The following KLHDC4 variants were observed in gnomAD, a reference collection of about 807,000 sequenced individuals.
The protein encoded by KLHDC4 is kelch domain containing 4, also known as kelch domain-containing protein 4.
Under a neutral mutation model 62.4 loss-of-function variants are expected in KLHDC4, and 90 were observed. The observed-to-expected ratio is 1.44, with a 90% CI of 1.22 to 1.72. The LOEUF is 1.72. Among genes scored for constraint, KLHDC4 ranks in the 40% most tolerant of loss-of-function variants. The probability of loss-of-function intolerance (pLI) is 0.00; values close to 1 mark genes in which losing one functional copy is unlikely to be tolerated. For missense variants in KLHDC4, 1,025 were observed against 699.7 expected (o/e 1.47, Z -5.25); for synonymous variants, 386 against 284.4 (o/e 1.36, Z -3.59).
chr16:87,737,128 A>AC (rs2041459909), intron 5 of KLHDC4, among the ~76,000 whole-genome samples: 1 of 150,830 alleles, frequency 6.6e-6, no homozygotes, highest in Non-Finnish European at 1.5e-5. Context: ...AAAAAAAAAA[A>AC]AGATAAGAAA....
chr16:87,741,629 T>TGC (rs10630389), intron 5 of KLHDC4, among the ~76,000 whole-genome samples: 34,768 of 152,060 alleles, frequency 0.23, 4,124 homozygotes, highest in South Asian at 0.33. Context: ...TGGGGACCAT[T>TGC]GCTATACATT....
At chr16:87,746,562 C>G (rs1015937616) in intron 5 of KLHDC4, among the ~76,000 whole-genome samples, 2 of 152,162 alleles carry the variant, frequency 1.3e-5, no homozygotes, top group Non-Finnish European at 2.9e-5. Flanking sequence ...GCAAACGTCT[C>G]AAAGCAATGC....
chr16:87,732,418 T>A (rs1229177876), intron 5 of KLHDC4, among the ~76,000 whole-genome samples: 2 of 152,204 alleles, frequency 1.3e-5, no homozygotes, highest in African/African-American at 4.8e-5. Flanking sequence ...TTCTTAACAC[T>A]CATCTAAGTG....
chr16:87,747,461 T>C (rs1318682956), intron 5 of KLHDC4: 1 of 152,188 alleles, frequency 6.6e-6, no homozygotes, highest in Non-Finnish European at 1.5e-5. Context: ...ATTTTTAGCA[T>C]GAAAGTAATT....
rs545879844 is a variant in KLHDC4 at position 87,711,230 on chromosome 16, A to G, written c.1044+5T>C. The G allele has an allele frequency of 2.5e-6, 4 of 1,613,964 alleles. No individual in the cohort carries two copies. Among genetic ancestry groups the G allele is most frequent in the South Asian group, 2.2e-5 (2 of 91,082 alleles). On this transcript the variant is annotated splice_donor_5th_base_variant and intron_variant, in intron 9 of 11. Coordinates refer to ENST00000270583, the MANE Select transcript of KLHDC4 (RefSeq NM_017566.4). ...ACGGCGCATGCTACTCAGAGGTTGCACTACCTTCAGCTGTCCCTCAAACCA... is the reference window on the plus strand; with the variant it reads ...ACGGCGCATGCTACTCAGAGGTTGCGCTACCTTCAGCTGTCCCTCAAACCA...
intron 5 of KLHDC4, among the ~76,000 whole-genome samples, chr16:87,736,430 C>A (rs2041321740): frequency 6.6e-6 from 1 of 152,314 alleles, no homozygotes; most frequent in South Asian, 2.1e-4. Context: ...GGAGCAATTC[C>A]TGCCGGATCC....
chr16:87,700,974 C>A (rs188317258), exon 1 of KLHDC4: 257 of 217,376 alleles, frequency 1.2e-3, no homozygotes, highest in African/African-American at 5.9e-3. Flanking sequence ...GTGAGGCAGT[C>A]GGTACGCAGA....
chr16:87,761,473 C>T (rs1430132168), intron 2 of KLHDC4, among the ~76,000 whole-genome samples: 5 of 152,282 alleles, frequency 3.3e-5, no homozygotes, highest in African/African-American at 9.6e-5. Flanking sequence ...GTATGAAATC[C>T]TACAGACTCG....
At chr16:87,755,416 G>A (rs546675893) in intron 3 of KLHDC4, 124 bp from the exon 4 acceptor site, 4 of 578,950 alleles carry the variant, frequency 6.9e-6, no homozygotes, top group African/African-American at 3.8e-5. Flanking sequence ...AACCATACCA[G>A]CACAGGGAGG....
chr16:87,707,251 G>A (rs1279197973), downstream of KLHDC4, among the ~76,000 whole-genome samples: 1 of 152,258 alleles, frequency 6.6e-6, no homozygotes, highest in African/African-American at 2.4e-5. Context: ...GCCAGGAGGA[G>A]CTGGATGGGG....
chr16:87,754,001 G>A (rs551908895), intron 4 of KLHDC4, among the ~76,000 whole-genome samples: 6 of 150,554 alleles, frequency 4.0e-5, no homozygotes, highest in East Asian at 2.0e-4. Context: ...GTAGCCGGAC[G>A]TGGTGGCATG....
chr16:87,748,714 G>C lies in KLHDC4; in HGVS notation c.465C>G (p.Leu155=), dbSNP rs2043423738. The part of the protein sequence containing the change: ...NGEQFYHYKD[L]WVLHLATKTW... Reference sequence around the variant, plus strand: ...TCTTGGTGGCCAAATGCAGGACCCAGAGATCCTTGTAGTGGTAGAACTGCT... The same window carrying C: ...TCTTGGTGGCCAAATGCAGGACCCACAGATCCTTGTAGTGGTAGAACTGCT... Residue 155 remains leucine, a synonymous_variant, in exon 5 of 12, where the codon CTC becomes CTG. Transcript: ENST00000270583. 5 of 1,613,612 alleles carry C rather than the reference G, an allele frequency of 3.1e-6. No homozygotes were observed. The highest frequency in any genetic ancestry group is 2.2e-5 in the South Asian group (2 of 91,010).
intron 7 of KLHDC4, among the ~76,000 whole-genome samples, chr16:87,716,183 G>C (rs1432997479): frequency 1.3e-5 from 2 of 150,182 alleles, no homozygotes; most frequent in Admixed American, 1.3e-4. Context: ...TATTGACGTA[G>C]ACTTTGGGTA....
intron 5 of KLHDC4, among the ~76,000 whole-genome samples, chr16:87,741,154 T>G (rs1267300708): frequency 6.6e-6 from 1 of 152,200 alleles, no homozygotes; most frequent in East Asian, 1.9e-4. Context: ...TCCTGTCTGT[T>G]GCTAGAATGG....
intron 7 of KLHDC4, among the ~76,000 whole-genome samples, chr16:87,721,479 T>A (rs140080005): frequency 6.7e-6 from 1 of 150,318 alleles, no homozygotes; most frequent in Admixed American, 6.6e-5. Context: ...CTGCGTGTGC[T>A]GGAACATGAG....
At chr16:87,745,031 T>C (rs2042835949) in intron 5 of KLHDC4, among the ~76,000 whole-genome samples, 1 of 152,206 alleles carries the variant, frequency 6.6e-6, no homozygotes, top group Admixed American at 6.5e-5. Flanking sequence ...TCCAAGCATA[T>C]GTTGTTCTGC....
exon 1 of KLHDC4, chr16:87,699,372 C>G (rs1420025002): frequency 6.6e-6 from 1 of 152,254 alleles, no homozygotes; most frequent in Non-Finnish European, 1.5e-5. Flanking sequence ...CTGAGCCGAG[C>G]TAACTGACAA....
intron 7 of KLHDC4, among the ~76,000 whole-genome samples, chr16:87,714,870 C>T (rs1394115120): frequency 2.0e-5 from 3 of 152,208 alleles, no homozygotes; most frequent in Non-Finnish European, 2.9e-5. Flanking sequence ...TGTGTGGAAA[C>T]CACCACAGGG....
At chr16:87,754,116 G>A (rs977133131) in intron 4 of KLHDC4, among the ~76,000 whole-genome samples, 4 of 152,048 alleles carry the variant, frequency 2.6e-5, no homozygotes, top group African/African-American at 9.7e-5. Flanking sequence ...CTCCAGGCTG[G>A]GAGACAGAGC....
Sources: allele counts gnomAD v4.1 joint callset (sites outside exome capture counted in the v4.1 genomes callset), GRCh38; gene constraint gnomAD v4.1.1; transcripts MANE v1.5; gene names NCBI Gene and HGNC (gene_info 2026-07-23, HGNC 2026-07-21).